Variants in ESRRG observed in about 807,000 individuals in gnomAD.
ESRRG encodes estrogen related receptor gamma.
In ESRRG, 13 loss-of-function variants were observed where a neutral mutation model predicts 44.0. The ratio of observed to expected loss-of-function variants is 0.30; its 90% CI spans 0.19 to 0.47. The LOEUF (loss-of-function observed/expected upper bound fraction) is 0.47, where lower values mean the gene tolerates loss of function less well. Ranked by LOEUF, ESRRG falls within the 20% of genes least tolerant of loss-of-function variation. The pLI is 1.00. For synonymous variants in ESRRG, 215 were observed against 214.6 expected (o/e 1.00, Z -0.02); for missense variants, 395 against 580.6 (o/e 0.68, Z 3.29).
intron 3 of ESRRG, among the ~76,000 whole-genome samples, chr1:216,635,758 C>T (rs748629279): frequency 2.6e-5 from 4 of 152,088 alleles, no homozygotes; most frequent in African/African-American, 7.2e-5. Flanking sequence ...AGAGCATTAT[C>T]GGGGACCTCT....
chr1:217,038,126 G>T (rs1388001231), intron 1 of ESRRG, among the ~76,000 whole-genome samples: 1 of 152,166 alleles, frequency 6.6e-6, no homozygotes, highest in African/African-American at 2.4e-5. Flanking sequence ...TCTGAGGCCT[G>T]GAGGATGGTG....
intron 1 of ESRRG, among the ~76,000 whole-genome samples, chr1:216,943,947 T>C (rs1578464917): frequency 6.6e-6 from 1 of 151,946 alleles, no homozygotes; most frequent in Non-Finnish European, 1.5e-5. Flanking sequence ...CAACTTCAGC[T>C]CCCCCCTGCC....
intron 5 of ESRRG, among the ~76,000 whole-genome samples, chr1:216,546,927 G>T (rs1558409785): frequency 6.6e-6 from 1 of 151,692 alleles, no homozygotes; most frequent in Non-Finnish European, 1.5e-5. Flanking sequence ...GCTACATTAG[G>T]TATTTCTCCT....
At chr1:216,562,148 A>G (rs191770233) in intron 5 of ESRRG, among the ~76,000 whole-genome samples, 277 of 152,278 alleles carry the variant, frequency 1.8e-3, no homozygotes, top group African/African-American at 6.5e-3. Flanking sequence ...TATCTGTATG[A>G]TATCAAAATA....
intron 1 of ESRRG, among the ~76,000 whole-genome samples, chr1:217,097,843 T>TAAAAA (rs5780964): frequency 9.3e-5 from 13 of 139,040 alleles, no homozygotes; most frequent in East Asian, 6.3e-4. Flanking sequence ...CCAGGCTGCT[T>TAAAAA]AAAAAAAAAA....
At chr1:216,567,065 C>A (rs2059803650) in intron 4 of ESRRG, among the ~76,000 whole-genome samples, 1 of 152,150 alleles carries the variant, frequency 6.6e-6, no homozygotes, top group South Asian at 2.1e-4. Context: ...TCAAAAATTA[C>A]CCATGTCTTT....
chr1:217,114,066 C>T (rs2092691361), intron 1 of ESRRG, among the ~76,000 whole-genome samples: 1 of 151,766 alleles, frequency 6.6e-6, no homozygotes, highest in Non-Finnish European at 1.5e-5. Context: ...ATAGATAAAA[C>T]TCATCAAAGA....
At chr1:216,918,657 C>T (rs775641636) in intron 2 of ESRRG, among the ~76,000 whole-genome samples, 1 of 151,898 alleles carries the variant, frequency 6.6e-6, no homozygotes, top group Non-Finnish European at 1.5e-5. Flanking sequence ...GGAACCTTTC[C>T]ATAACTCAAA....
intron 3 of ESRRG, among the ~76,000 whole-genome samples, chr1:216,610,789 A>T (rs1043976013): frequency 6.6e-6 from 1 of 152,140 alleles, no homozygotes; most frequent in Non-Finnish European, 1.5e-5. Context: ...AGTGCTTTAC[A>T]TGTATTAACT....
chr1:216,771,537 AC>A (rs778037663), intron 2 of ESRRG, among the ~76,000 whole-genome samples: 3 of 152,122 alleles, frequency 2.0e-5, no homozygotes, highest in Non-Finnish European at 2.9e-5. Flanking sequence ...AAATTTTGTA[AC>A]TGGGAGATGC....
chr1:216,883,499 G>A (rs971418782), intron 2 of ESRRG, among the ~76,000 whole-genome samples: 6 of 150,774 alleles, frequency 4.0e-5, no homozygotes, highest in Non-Finnish European at 5.9e-5. Context: ...AGACAGTAGC[G>A]AATGGAATCC....
At chr1:216,594,810 C>A (rs186915920) in intron 3 of ESRRG, among the ~76,000 whole-genome samples, 120 of 152,258 alleles carry the variant, frequency 7.9e-4, no homozygotes, top group Non-Finnish European at 1.3e-3. Context: ...TTATCTATGG[C>A]CTTCATTTCA....
intron 3 of ESRRG, among the ~76,000 whole-genome samples, chr1:216,626,806 C>T (rs1218778273): frequency 6.6e-6 from 1 of 152,194 alleles, no homozygotes; most frequent in African/African-American, 2.4e-5. Context: ...CTGCCTTATC[C>T]CTTGGCCACA....
intron 1 of ESRRG, among the ~76,000 whole-genome samples, chr1:216,974,721 T>G (rs1359428720): frequency 1.3e-5 from 2 of 152,096 alleles, no homozygotes; most frequent in Non-Finnish European, 2.9e-5. Flanking sequence ...CTTCAAAGTT[T>G]TAGTCTGTGG....
At chr1:217,121,274 A>C (rs181460578) in intron 1 of ESRRG, among the ~76,000 whole-genome samples, 3 of 152,356 alleles carry the variant, frequency 2.0e-5, no homozygotes, top group African/African-American at 7.2e-5. Flanking sequence ...GTAAAGTGTC[A>C]GAAATGAGGC....
intron 1 of ESRRG, among the ~76,000 whole-genome samples, chr1:217,039,607 T>C (rs936385070): frequency 6.6e-6 from 1 of 152,140 alleles, no homozygotes; most frequent in African/African-American, 2.4e-5. Context: ...CATCTCCCAC[T>C]AGCTCCTTCC....
At chr1:216,768,976 TAA>T (rs921711205) in intron 2 of ESRRG, among the ~76,000 whole-genome samples, 2 of 152,134 alleles carry the variant, frequency 1.3e-5, no homozygotes, top group East Asian at 1.9e-4. Flanking sequence ...GAACTGACAT[TAA>T]GTCACATTTT....
intron 2 of ESRRG, among the ~76,000 whole-genome samples, chr1:216,936,191 A>G (rs1012861166): frequency 2.0e-5 from 3 of 152,116 alleles, no homozygotes; most frequent in Non-Finnish European, 4.4e-5. Context: ...GGGGGCAACA[A>G]AGAACAAATA....
intron 2 of ESRRG, among the ~76,000 whole-genome samples, chr1:216,826,215 A>C (rs2095392765): frequency 6.6e-6 from 1 of 151,414 alleles, no homozygotes; most frequent in African/African-American, 2.4e-5. Flanking sequence ...ACACACACAC[A>C]CCCATAGGGA....
Sources: gnomAD v4.1 joint callset for allele counts (sites outside exome capture counted in the v4.1 genomes callset) on GRCh38, gnomAD v4.1.1 for gene constraint, MANE v1.5 for transcripts, NCBI Gene and HGNC (gene_info 2026-07-23, HGNC 2026-07-21) for gene names.